Variants in TIAM1 observed in about 807,000 individuals in gnomAD.
TIAM1 encodes TIAM Rac1 associated GEF 1.
A neutral mutation model predicts 163.5 loss-of-function variants in TIAM1; 65 were observed. The observed-to-expected ratio is 0.40, with a 90% confidence interval of 0.33 to 0.49. TIAM1 has a LOEUF of 0.49. Among genes scored for constraint, TIAM1 ranks in the 20% least tolerant of loss-of-function variants. The pLI is 0.77. For synonymous variants in TIAM1, 833 were observed against 810.1 expected, an observed-to-expected ratio of 1.03 and a Z score of -0.48; for missense variants, 1,789 against 2,044.7, an observed-to-expected ratio of 0.87 and a Z score of 2.41.
intron 2 of TIAM1, among the ~76,000 whole-genome samples, chr21:31,293,455 T>G (rs1009759068): frequency 3.9e-5 from 6 of 152,200 alleles, no homozygotes; most frequent in Non-Finnish European, 7.4e-5. Flanking sequence ...ACCTACCAAG[T>G]TGACAGATCA....
intron 2 of TIAM1, among the ~76,000 whole-genome samples, chr21:31,386,232 T>A (rs1384859026): frequency 6.6e-6 from 1 of 151,936 alleles, no homozygotes; most frequent in Non-Finnish European, 1.5e-5. Flanking sequence ...GCACGGGTGC[T>A]GAGCAGAGAC....
intron 2 of TIAM1, among the ~76,000 whole-genome samples, chr21:31,277,800 C>G (rs1428099176): frequency 6.6e-6 from 1 of 152,116 alleles, no homozygotes; most frequent in African/African-American, 2.4e-5. Flanking sequence ...GTGCGAGATC[C>G]AAGAACCCTC....
intron 1 of TIAM1, among the ~76,000 whole-genome samples, chr21:31,555,040 T>C (rs556555454): frequency 6.6e-6 from 1 of 152,302 alleles, no homozygotes; most frequent in African/African-American, 2.4e-5. Context: ...TAACTATTAA[T>C]ATCGTGTACC....
intron 2 of TIAM1, among the ~76,000 whole-genome samples, chr21:31,285,775 C>T (rs1388531123): frequency 1.3e-5 from 2 of 152,148 alleles, no homozygotes; most frequent in East Asian, 3.9e-4. Flanking sequence ...GCAGGAGAAT[C>T]GCTTGAACCC....
chr21:31,470,465 C>G (rs973836820), intron 1 of TIAM1, among the ~76,000 whole-genome samples: 4 of 152,084 alleles, frequency 2.6e-5, no homozygotes, highest in African/African-American at 9.7e-5. Flanking sequence ...TCCCAAGTAG[C>G]TGAGATTACA....
At chr21:31,282,429 C>A (rs2146881511) in intron 2 of TIAM1, among the ~76,000 whole-genome samples, 1 of 152,312 alleles carries the variant, frequency 6.6e-6, no homozygotes, top group Admixed American at 6.5e-5. Flanking sequence ...CCAGGAAATT[C>A]TTCTTGAGCA....
intron 2 of TIAM1, among the ~76,000 whole-genome samples, chr21:31,396,825 C>T (rs1367511760): frequency 2.6e-5 from 4 of 151,814 alleles, no homozygotes; most frequent in Non-Finnish European, 2.9e-5. Context: ...GTAGCAGATG[C>T]CTGTAATCCG....
chr21:31,164,560 A>G (rs1198379909), intron 16 of TIAM1, among the ~76,000 whole-genome samples: 1 of 152,214 alleles, frequency 6.6e-6, no homozygotes, highest in African/African-American at 2.4e-5. Context: ...AGCTGAATGC[A>G]GGTAATTCAA....
At chr21:31,539,805 G>A (rs1191162835) in intron 1 of TIAM1, among the ~76,000 whole-genome samples, 5 of 152,122 alleles carry the variant, frequency 3.3e-5, no homozygotes, top group Non-Finnish European at 7.4e-5. Context: ...GGCCTGTCAC[G>A]GATCTAATCT....
intron 4 of TIAM1, among the ~76,000 whole-genome samples, chr21:31,258,551 G>A (rs893635862): frequency 1.3e-5 from 2 of 152,156 alleles, no homozygotes; most frequent in Admixed American, 6.6e-5. Context: ...GATATATTAG[G>A]CTGGACGCAG....
chr21:31,482,665 G>A (rs2046151558), intron 1 of TIAM1, among the ~76,000 whole-genome samples: 2 of 152,268 alleles, frequency 1.3e-5, no homozygotes, highest in East Asian at 1.9e-4. Context: ...ACAACAGAAG[G>A]GTGATGCAAT....
chr21:31,290,398 C>A (rs2146911463), intron 2 of TIAM1, among the ~76,000 whole-genome samples: 1 of 152,026 alleles, frequency 6.6e-6, no homozygotes, highest in East Asian at 1.9e-4. Flanking sequence ...CTTTGAGAGG[C>A]CACAGCAGGC....
intron 2 of TIAM1, among the ~76,000 whole-genome samples, chr21:31,365,885 G>A (rs1353225054): frequency 2.6e-5 from 4 of 151,312 alleles, no homozygotes; most frequent in African/African-American, 4.9e-5. Context: ...GGTGGATCAC[G>A]AAGTCAAGAG....
At chr21:31,334,797 T>C (rs912580230) in intron 2 of TIAM1, among the ~76,000 whole-genome samples, 1 of 152,170 alleles carries the variant, frequency 6.6e-6, no homozygotes, top group African/African-American at 2.4e-5. Flanking sequence ...CTTATGTGCA[T>C]CTGACTCCAT....
chr21:31,546,549 CAAAA>C (rs757156366), intron 1 of TIAM1, among the ~76,000 whole-genome samples: 6 of 94,830 alleles, frequency 6.3e-5, no homozygotes, highest in African/African-American at 1.9e-4. Flanking sequence ...GACTCCATCT[CAAAA>C]AAAAAAGAAA....
intron 2 of TIAM1, among the ~76,000 whole-genome samples, chr21:31,366,260 G>T (rs1039565900): frequency 6.6e-6 from 1 of 152,080 alleles, no homozygotes; most frequent in African/African-American, 2.4e-5. Context: ...TTCACCCTTT[G>T]CCAAAAGCAA....
intron 2 of TIAM1, among the ~76,000 whole-genome samples, chr21:31,423,948 T>C (rs945053882): frequency 6.6e-6 from 1 of 151,620 alleles, no homozygotes; most frequent in African/African-American, 2.4e-5. Flanking sequence ...GTAGTGATGA[T>C]TGCACAACAC....
chr21:31,222,676 CATATAT>C (rs146567405), intron 8 of TIAM1, among the ~76,000 whole-genome samples: 3,547 of 47,882 alleles, frequency 0.074, 284 homozygotes, highest in South Asian at 0.11. Context: ...TGTACACATA[CATATAT>C]ATATATATAT....
intron 6 of TIAM1, among the ~76,000 whole-genome samples, chr21:31,227,165 T>G (rs576750866): frequency 6.6e-6 from 1 of 151,766 alleles, no homozygotes; most frequent in African/African-American, 2.4e-5. Context: ...CCATGTTGCC[T>G]AGGCTGGTCT....
Sources: allele counts gnomAD v4.1 joint callset (sites outside exome capture counted in the v4.1 genomes callset), GRCh38; gene constraint gnomAD v4.1.1; transcripts MANE v1.5; gene names NCBI Gene and HGNC (gene_info 2026-07-23, HGNC 2026-07-21).